Variants in D2HGDH observed in about 807,000 individuals in gnomAD.
D2HGDH encodes D-2-hydroxyglutarate dehydrogenase.
A neutral mutation model predicts 46.9 loss-of-function variants in D2HGDH; 31 were observed. The ratio of observed to expected loss-of-function variants is 0.66; its 90% CI spans 0.50 to 0.89. The LOEUF (loss-of-function observed/expected upper bound fraction) is 0.89. Ranked by LOEUF, D2HGDH falls within the 40% of genes least tolerant of loss-of-function variation. The probability of loss-of-function intolerance (pLI) is 0.00; values close to 1 mark genes in which losing one functional copy is unlikely to be tolerated. For synonymous variants in D2HGDH, 364 were observed against 332.6 expected (o/e 1.09, Z -1.03); for missense variants, 698 against 720.8 (o/e 0.97, Z 0.36).
chr2:241,752,567 A>G (rs1697435382), intron 8 of D2HGDH, among the ~76,000 whole-genome samples: 1 of 151,940 alleles, frequency 6.6e-6, no homozygotes. Flanking sequence ...CTTCCAGTCC[A>G]GGGGCCCGGG....
chr2:241,748,826 G>C (rs1575269089), intron 6 of D2HGDH: 1 of 1,203,146 alleles, frequency 8.3e-7, no homozygotes, highest in South Asian at 1.4e-5. Context: ...TCTTCATCCA[G>C]GTTTTCTGTG....
At chr2:241,755,769 C>T (rs1417295193) in intron 8 of D2HGDH, 80 bp from the exon 9 acceptor site, 3 of 1,611,052 alleles carry the variant, frequency 1.9e-6, no homozygotes, top group Admixed American at 3.3e-5. Flanking sequence ...TGCTGCTGCC[C>T]TAACCCCGTG....
rs1263847622 is a variant in D2HGDH, at chr2:241,743,751, A to G, written c.620A>G (p.Asn207Ser). Residue 207 changes from asparagine (N) to serine (S), a missense_variant, in exon 5 of 10, where the codon AAC (asparagine) becomes AGC (serine). Physicochemically the swap from Asn to Ser is conservative, Grantham distance 46 (BLOSUM62 1). Coordinates refer to ENST00000321264, the MANE Select transcript of D2HGDH (RefSeq NM_152783.5). The surrounding 1 kb of genome is among the most constrained non-coding windows in gnomAD (Gnocchi z 4.8). ...SCHIGGNVATNAGGLRFLRYG... is the reference protein window; with the variant it reads ...SCHIGGNVATSAGGLRFLRYG... The stretch of plus-strand genomic sequence containing the variant: ...CACATCGGGGGAAACGTGGCAACCA[A>G]CGCTGGAGGCCTGCGGTTTCTTCGA... 6.2e-7 allele frequency: 1 copy of G among 1,612,696 alleles called. No individual in the cohort carries two copies.
intron 7 of D2HGDH, among the ~76,000 whole-genome samples, 153 bp downstream of exon 7, chr2:241,750,447 A>T (rs1214830615): frequency 6.6e-6 from 1 of 152,184 alleles, no homozygotes; most frequent in Non-Finnish European, 1.5e-5. Context: ...CGTTGGGCTC[A>T]TGTGTAAGAA....
rs1446585699 is a variant in D2HGDH, at chr2:241,756,031, G to A, written c.1306+17G>A. 3 of 1,589,508 alleles carry A rather than the reference G, an allele frequency of 1.9e-6. No homozygotes were observed. In the South Asian group the frequency reaches 3.3e-5, roughly 18 times the overall value. On this transcript the variant is annotated intron_variant, in intron 9 of 9. Coordinates refer to ENST00000321264, the MANE Select transcript of D2HGDH (RefSeq NM_152783.5). ...GCCACCTTGGTGAGCGGCGCCCCGGGGCCGCGGCCCTGTGTGTGCTGGGTG... is the reference window on the plus strand; with the variant it reads ...GCCACCTTGGTGAGCGGCGCCCCGGAGCCGCGGCCCTGTGTGTGCTGGGTG...
intron 9 of D2HGDH, among the ~76,000 whole-genome samples, chr2:241,757,959 C>CAA (rs534217783): frequency 2.4e-5 from 2 of 83,342 alleles, no homozygotes. Flanking sequence ...AACTCCATCT[C>CAA]AAAAAAAAAA....
At chr2:241,736,995 G>T (rs1290817250) in intron 2 of D2HGDH, among the ~76,000 whole-genome samples, 1 of 151,098 alleles carries the variant, frequency 6.6e-6, no homozygotes, top group Non-Finnish European at 1.5e-5. Context: ...TTGAGACGGA[G>T]TCTCGCTCTG....
chr2:241,735,068 T>G, intron 1 of D2HGDH, 65 bp from the exon 2 acceptor site: 1 of 835,552 alleles, frequency 1.2e-6, no homozygotes, highest in Non-Finnish European at 1.7e-6. Flanking sequence ...CCTCCCTGCT[T>G]CTGCAAGCGT....
chr2:241,754,916 A>T (rs537795666), intron 8 of D2HGDH: 1 of 985,086 alleles, frequency 1.0e-6, no homozygotes, highest in East Asian at 6.3e-5. Context: ...TGTTTCTCTT[A>T]GAATTTCCTG....
At position 241,742,473 on chromosome 2, in the gene D2HGDH, G is replaced by T; in HGVS notation, c.389G>T (p.Gly130Val). 1 of 1,613,878 alleles carries T rather than the reference G, an allele frequency of 6.2e-7. No homozygotes were observed. Among genetic ancestry groups the T allele is most frequent in the Non-Finnish European group, 8.5e-7 (1 of 1,179,938 alleles). The stretch of plus-strand genomic sequence containing the variant: ...AGGAACCTGGCCGTGAACCCACAGG[G>T]GGGCAACACAGGCATGGTGGGTGGC... ...HERNLAVNPQ[G>V]GNTGMVGGSV... The change falls in exon 4 of 10, where the codon GGG (glycine) becomes GTG (valine). Residue 130 changes from glycine (G) to valine (V), a missense_variant. Coordinates refer to ENST00000321264, the MANE Select transcript of D2HGDH (RefSeq NM_152783.5). This position sits in a 1 kb window ranked among gnomAD's most constrained non-coding sequence, Gnocchi z 4.8.
chr2:241,737,205 C>T (rs1434229834), intron 2 of D2HGDH, among the ~76,000 whole-genome samples: 2 of 152,060 alleles, frequency 1.3e-5, no homozygotes, highest in African/African-American at 4.8e-5. Flanking sequence ...CTCCTGACAT[C>T]GTGATCCGCC....
intron 9 of D2HGDH, among the ~76,000 whole-genome samples, chr2:241,759,431 G>A (rs1030120216): frequency 2.6e-5 from 4 of 152,210 alleles, no homozygotes; most frequent in Non-Finnish European, 5.9e-5. Context: ...AGCATTGCCC[G>A]CTGCCTTGGT....
chr2:241,751,642 G>T (rs1203034559), intron 8 of D2HGDH, among the ~76,000 whole-genome samples: 2 of 152,230 alleles, frequency 1.3e-5, no homozygotes, highest in Non-Finnish European at 2.9e-5. Flanking sequence ...TGTGGGATGA[G>T]CAAGGGGACT....
chr2:241,761,760 C>T (rs998541554), intron 9 of D2HGDH, among the ~76,000 whole-genome samples: 11 of 152,106 alleles, frequency 7.2e-5, no homozygotes, highest in Admixed American at 1.3e-4. Context: ...CCTGATTCTG[C>T]GTAGCCAGTT....
intron 2 of D2HGDH, among the ~76,000 whole-genome samples, chr2:241,739,261 G>C (rs1042212266): frequency 2.0e-5 from 3 of 152,206 alleles, no homozygotes; most frequent in African/African-American, 7.2e-5. Flanking sequence ...TGCATTCTTG[G>C]GGGGTACTCA....
In D2HGDH at chr2:241,742,413, G is replaced by C. The variant is rs754384138; in HGVS notation, c.351-22G>C. ...GTAGGGGTGGGGACAGAGCCCCAAC[G>C]TCCCTCCTGTCCTCATCCCAGGCAC... On this transcript the variant is annotated intron_variant, in intron 3 of 9. Transcript: ENST00000321264. This position sits in a 1 kb window ranked among gnomAD's most constrained non-coding sequence, Gnocchi z 4.8. The C allele has an allele frequency of 6.3e-7, 1 of 1,596,120 alleles. No homozygotes were observed. The highest frequency in any genetic ancestry group is 1.7e-5 in the Admixed American group (1 of 57,344).
intron 8 of D2HGDH, among the ~76,000 whole-genome samples, chr2:241,752,671 G>A (rs577031193): frequency 6.6e-4 from 101 of 151,998 alleles, no homozygotes; most frequent in African/African-American, 2.1e-3. Context: ...GAGATGGGGC[G>A]GGAACGTGAG....
At position 241,768,159 on chromosome 2, in the gene D2HGDH, G is replaced by C. The variant is rs796257274; in HGVS notation, c.*190G>C. 12 of 876,600 alleles carry C rather than the reference G, an allele frequency of 1.4e-5. No homozygotes were observed. The African/African-American group carries it at 2.0e-4, about 15-fold the overall frequency. 54.3% of individuals were successfully genotyped at this position (876,600 alleles called of 1,614,324 possible). ...GGGCAGGAGCATCTGGCAGAGTGGG[G>C]GGCGTGGCAGGCACCCTCCTTTGCA... On this transcript the variant is annotated 3_prime_UTR_variant, in exon 10 of 10. Transcript: ENST00000321264.
Position 241,744,731 on chromosome 2 carries a change from T to C in D2HGDH, c.707T>C (p.Leu236Pro). Residue 236 changes from leucine (L) to proline (P), a missense_variant, in exon 6 of 10, where the codon CTG (leucine) becomes CCG (proline). By Grantham distance (98) the Leu-to-Pro change is moderately conservative (BLOSUM62 -3). Transcript: ENST00000321264. The stretch of plus-strand genomic sequence containing the variant: ...AAGGTGCTGGCCGACGGCACTGTCC[T>C]GGACTGCCTGACCTCCCTGAGGAAG... ...LEVVLADGTV[L>P]DCLTSLRKDN... is the part of the protein sequence containing the mutation. 1 of 1,614,258 alleles carries C rather than the reference T, an allele frequency of 6.2e-7. No homozygotes were observed. Among genetic ancestry groups the C allele is most frequent in the Non-Finnish European group, 8.5e-7 (1 of 1,180,036 alleles).
Sources: gnomAD v4.1 joint callset for allele counts (sites outside exome capture counted in the v4.1 genomes callset) on GRCh38, gnomAD v4.1.1 for gene constraint, Gnocchi (gnomAD v3.1) non-coding constraint, MANE v1.5 for transcripts, NCBI Gene and HGNC (gene_info 2026-07-23, HGNC 2026-07-21) for gene names.